The following FGD4 variants were observed in gnomAD, a reference collection of about 807,000 sequenced individuals.
The protein encoded by FGD4 is FYVE, RhoGEF and PH domain containing 4.
In FGD4, 42 loss-of-function variants were observed where a neutral mutation model predicts 102.0. The ratio of observed to expected loss-of-function variants is 0.41; its 90% CI spans 0.32 to 0.53. The LOEUF (loss-of-function observed/expected upper bound fraction) is 0.53. Among genes scored for constraint, FGD4 ranks in the 20% least tolerant of loss-of-function variants. FGD4 has a pLI of 0.21. For synonymous variants in FGD4, 380 were observed against 375.7 expected, an observed-to-expected ratio of 1.01 and a Z score of -0.13; for missense variants, 902 against 1,078.2, an observed-to-expected ratio of 0.84 and a Z score of 2.29.
intron 1 of FGD4, among the ~76,000 whole-genome samples, chr12:32,560,836 G>C (rs903554048): frequency 9.2e-5 from 14 of 151,776 alleles, no homozygotes; most frequent in African/African-American, 2.9e-4. Flanking sequence ...GGGACCACAA[G>C]CGCGCACCAC....
chr12:32,568,827 TA>T (rs1304013706), intron 2 of FGD4, among the ~76,000 whole-genome samples: 1 of 152,246 alleles, frequency 6.6e-6, no homozygotes, highest in Non-Finnish European at 1.5e-5. Context: ...ACTACTGACT[TA>T]AACTGGCAAT....
chr12:32,638,881 C>A, intron 16 of FGD4, 86 bp downstream of exon 16: 1 of 1,601,076 alleles, frequency 6.2e-7, no homozygotes. Context: ...ATCTGTAGAA[C>A]AAGAGTTCAG....
chr12:32,436,315 G>T (rs970447108), intron 1 of FGD4, among the ~76,000 whole-genome samples: 1 of 152,310 alleles, frequency 6.6e-6, no homozygotes, highest in Non-Finnish European at 1.5e-5. Context: ...TCCATTTATG[G>T]TTCTTTTCAG....
At chr12:32,424,244 G>A (rs188459460) in intron 1 of FGD4, among the ~76,000 whole-genome samples, 13 of 147,406 alleles carry the variant, frequency 8.8e-5, no homozygotes, top group South Asian at 4.5e-4. Context: ...AACAGGCCCC[G>A]GTATGTGATG....
chr12:32,487,057 A>G (rs1284589043), intron 1 of FGD4, among the ~76,000 whole-genome samples: 2 of 152,212 alleles, frequency 1.3e-5, no homozygotes, highest in Admixed American at 6.5e-5. Context: ...CTCAGGAAAT[A>G]TCCATTTCAG....
chr12:32,499,216 A>G (rs1441114906), intron 1 of FGD4, among the ~76,000 whole-genome samples: 2 of 152,200 alleles, frequency 1.3e-5, no homozygotes, highest in Non-Finnish European at 1.5e-5. Context: ...AGGAAGATAA[A>G]TTATCAGGCT....
At chr12:32,579,193 A>G (rs1460885816) in intron 3 of FGD4, among the ~76,000 whole-genome samples, 4 of 151,878 alleles carry the variant, frequency 2.6e-5, no homozygotes, top group Non-Finnish European at 4.4e-5. Context: ...ATTACAAGGC[A>G]TGCACCACCA....
intron 1 of FGD4, among the ~76,000 whole-genome samples, chr12:32,507,099 T>G (rs1221546917): frequency 9.3e-6 from 1 of 107,924 alleles, no homozygotes; most frequent in Non-Finnish European, 1.7e-5. Flanking sequence ...CCCACAACAG[T>G]CCCCAGAGTG....
intron 2 of FGD4, 51 bp from the exon 3 acceptor site, chr12:32,576,215 G>C: frequency 1.3e-6 from 2 of 1,532,528 alleles, no homozygotes; most frequent in Non-Finnish European, 1.8e-6. Context: ...AATTTTTATT[G>C]TTATTGAACA....
At chr12:32,477,144 C>T (rs969637831) in intron 1 of FGD4, among the ~76,000 whole-genome samples, 5 of 151,942 alleles carry the variant, frequency 3.3e-5, no homozygotes, top group Admixed American at 2.6e-4. Flanking sequence ...AAAAATTAGC[C>T]GGGCGTGGTG....
intron 1 of FGD4, among the ~76,000 whole-genome samples, chr12:32,539,044 ACT>A (rs1345011691): frequency 1.3e-5 from 2 of 151,764 alleles, no homozygotes; most frequent in African/African-American, 2.4e-5. Flanking sequence ...ACAGAGGGAG[ACT>A]CTGTCTCAAT....
chr12:32,446,112 C>T (rs1287850472), intron 1 of FGD4, among the ~76,000 whole-genome samples: 1 of 152,132 alleles, frequency 6.6e-6, no homozygotes, highest in African/African-American at 2.4e-5. Flanking sequence ...AGAGATCAGG[C>T]GACTGCACTC....
chr12:32,400,971 A>G (rs762887101), intron 1 of FGD4, among the ~76,000 whole-genome samples: 1 of 152,220 alleles, frequency 6.6e-6, no homozygotes, highest in East Asian at 1.9e-4. Flanking sequence ...TACAGTAGAT[A>G]AGGGCAGAAA....
At chr12:32,616,308 G>T (rs956369214) in intron 10 of FGD4, among the ~76,000 whole-genome samples, 1 of 152,178 alleles carries the variant, frequency 6.6e-6, no homozygotes, top group African/African-American at 2.4e-5. Context: ...AGTCCAGGTG[G>T]CAAAGAACCT....
chr12:32,559,089 A>C (rs1300520074), intron 1 of FGD4, among the ~76,000 whole-genome samples: 1 of 152,230 alleles, frequency 6.6e-6, no homozygotes, highest in Non-Finnish European at 1.5e-5. Context: ...GAACCTCTAG[A>C]GTTAATGTAA....
intron 1 of FGD4, among the ~76,000 whole-genome samples, chr12:32,520,640 G>A (rs1940441508): frequency 6.6e-6 from 1 of 151,954 alleles, no homozygotes; most frequent in African/African-American, 2.4e-5. Context: ...GTTTCACCGT[G>A]TTAGCCAGGA....
intron 4 of FGD4, chr12:32,582,679 C>T: frequency 6.5e-6 from 4 of 618,438 alleles, no homozygotes; most frequent in Non-Finnish European, 8.4e-6. Flanking sequence ...CTGTTAATAT[C>T]TCTGTTGTAA....
At chr12:32,560,114 T>C (rs1011784021) in intron 1 of FGD4, among the ~76,000 whole-genome samples, 3 of 152,142 alleles carry the variant, frequency 2.0e-5, no homozygotes, top group African/African-American at 7.2e-5. Context: ...ATCCAGATTT[T>C]CCCCCTGAAA....
intron 1 of FGD4, among the ~76,000 whole-genome samples, chr12:32,458,878 T>C (rs1565752283): frequency 6.6e-6 from 1 of 152,242 alleles, no homozygotes; most frequent in African/African-American, 2.4e-5. Context: ...AGGGATACAA[T>C]CCTCATTTTT....
Sources: gnomAD v4.1 joint callset for allele counts (sites outside exome capture counted in the v4.1 genomes callset) on GRCh38, gnomAD v4.1.1 for gene constraint, MANE v1.5 for transcripts, NCBI Gene and HGNC (gene_info 2026-07-23, HGNC 2026-07-21) for gene names.